CHRM5: variants seen among roughly 807,000 people sequenced by gnomAD.
CHRM5 encodes the protein muscarinic acetylcholine receptor M5.
CHRM5 carries 18 observed loss-of-function variants against 39.0 expected under a neutral mutation model. The ratio of observed to expected loss-of-function variants is 0.46; its 90% CI spans 0.32 to 0.68. The LOEUF (loss-of-function observed/expected upper bound fraction) is 0.68. CHRM5 is among the 30% of genes least tolerant of loss of function. The probability of loss-of-function intolerance (pLI) is 0.04; values close to 1 mark genes in which losing one functional copy is unlikely to be tolerated. For missense variants in CHRM5, 515 were observed against 651.1 expected (o/e 0.79, Z 2.28); for synonymous variants, 241 against 246.3 (o/e 0.98, Z 0.20).
chr15:33,971,735 T>C (rs558469719), intron 1 of CHRM5, among the ~76,000 whole-genome samples: 2 of 152,212 alleles, frequency 1.3e-5, no homozygotes, highest in East Asian at 1.9e-4. Context: ...TCCATTATAA[T>C]GGCACCGTGT....
At chr15:34,019,744 AAT>A (rs1418871218) in intron 1 of CHRM5, among the ~76,000 whole-genome samples, 2 of 152,240 alleles carry the variant, frequency 1.3e-5, no homozygotes, top group African/African-American at 2.4e-5. Flanking sequence ...GCCCAGGAGC[AAT>A]ATGTTATACC....
chr15:33,975,710 T>C (rs1171402875), intron 1 of CHRM5, among the ~76,000 whole-genome samples: 1 of 152,148 alleles, frequency 6.6e-6, no homozygotes, highest in Admixed American at 6.5e-5. Flanking sequence ...GGCAGGTGAA[T>C]CATGAGGTCA....
At chr15:34,019,854 A>G (rs1273736505) in intron 1 of CHRM5, among the ~76,000 whole-genome samples, 9 of 152,212 alleles carry the variant, frequency 5.9e-5, no homozygotes, top group Non-Finnish European at 8.8e-5. Context: ...CATGTTTCTC[A>G]GACTATATCC....
rs183460364 is a variant in CHRM5, at chr15:34,041,063, T to C, written c.-407-5477T>C. On this transcript the variant is annotated intron_variant, in intron 1 of 2. Coordinates refer to ENST00000383263, the MANE Select transcript of CHRM5 (RefSeq NM_012125.4). ...CACACATTAATCTCAAACTAGACAT[T>C]TGCACAAATCGGAGTTTCTCAATGT... Among the ~76,000 whole-genome samples the C allele has an allele frequency of 2.0e-5, 3 of 152,220 alleles. No homozygotes were observed. The East Asian group carries it at 5.8e-4, about 30-fold the overall frequency.
chr15:33,977,113 G>C (rs1322781804), intron 1 of CHRM5, among the ~76,000 whole-genome samples: 2 of 152,154 alleles, frequency 1.3e-5, no homozygotes, highest in Non-Finnish European at 2.9e-5. Context: ...AGATAGGAAG[G>C]TTGAAAGGCT....
intron 2 of CHRM5, among the ~76,000 whole-genome samples, chr15:34,053,320 ATAT>A (rs372854593): frequency 0.074 from 2,293 of 30,898 alleles, 87 homozygotes; most frequent in African/African-American, 0.15. Context: ...AAAAAAAAAA[ATAT>A]ATATATATAT....
At chr15:33,991,667 G>C (rs1295159696) in intron 1 of CHRM5, 3 of 152,112 alleles carry the variant, frequency 2.0e-5, no homozygotes, top group East Asian at 1.9e-4. Flanking sequence ...TTTATCAGTA[G>C]AGCAAAAGAG....
chr15:34,016,163 C>A (rs1897900593), intron 1 of CHRM5, among the ~76,000 whole-genome samples: 1 of 152,136 alleles, frequency 6.6e-6, no homozygotes, highest in Non-Finnish European at 1.5e-5. Context: ...GTAATTCCAG[C>A]TACTCGGTTA....
intron 1 of CHRM5, among the ~76,000 whole-genome samples, chr15:34,021,693 A>G (rs1284045591): frequency 6.6e-6 from 1 of 152,058 alleles, no homozygotes; most frequent in East Asian, 1.9e-4. Context: ...CGTCTCTACT[A>G]AAAATACAAA....
At position 34,067,214 on chromosome 15, in the gene CHRM5, A is replaced by C. The variant is rs1383663636; in HGVS notation, c.*2898A>C. On this transcript the variant is annotated 3_prime_UTR_variant, in exon 3 of 3. Coordinates refer to ENST00000383263, the MANE Select transcript of CHRM5 (RefSeq NM_012125.4). ...TTGTCAGGGAATCTGTTTTCCATTC[A>C]ATTTTTGGTTGAACAAAGCATTTTG... The C allele has an allele frequency of 6.6e-6, 1 of 152,124 alleles. No individual in the cohort carries two copies. The highest frequency in any genetic ancestry group is 1.5e-5 in the Non-Finnish European group (1 of 68,028). The allele number at this position is 152,124 out of a possible 1,614,324, so 9.4% of individuals were successfully genotyped here. A position where few individuals can be genotyped will look rare whatever the true frequency, so the allele number is the denominator to read the frequency against.
intron 1 of CHRM5, among the ~76,000 whole-genome samples, chr15:34,003,740 G>A (rs1023656805): frequency 1.3e-5 from 2 of 152,194 alleles, no homozygotes; most frequent in African/African-American, 4.8e-5. Flanking sequence ...GTGAAATGGA[G>A]TGTGAATTTA....
At chr15:33,993,223 G>A (rs1284022432) in intron 1 of CHRM5, among the ~76,000 whole-genome samples, 2 of 152,178 alleles carry the variant, frequency 1.3e-5, no homozygotes, top group African/African-American at 4.8e-5. Context: ...TAAGAGTGGG[G>A]TGCCATTTTC....
At chr15:34,038,727 C>T in intron 1 of CHRM5, 1 of 1,131,598 alleles carries the variant, frequency 8.8e-7, no homozygotes, top group Non-Finnish European at 1.1e-6. Flanking sequence ...CGGCCTCGGC[C>T]CCACTTGCCC....
Position 34,033,874 on chromosome 15 carries a change from G to A in CHRM5, c.-407-12666G>A, listed in dbSNP as rs572119445. ...GCAATTTCGGCTCACTGCAACCTCCGCCTCCCAAGTTTAAGCGATTCTCCC... is the reference window on the plus strand; with the variant it reads ...GCAATTTCGGCTCACTGCAACCTCCACCTCCCAAGTTTAAGCGATTCTCCC... On this transcript the variant is annotated intron_variant, in intron 1 of 2. Transcript: ENST00000383263. Among the ~76,000 whole-genome samples the A allele has an allele frequency of 1.1e-3, 174 of 152,110 alleles. 8 individuals carry two copies. The South Asian group carries it at 0.03, about 27-fold the overall frequency.
rs114061241 is a variant in CHRM5 at position 33,974,635 on chromosome 15, C to T, written c.-408+5485C>T. Among the ~76,000 whole-genome samples, 1,274 of 152,238 alleles carry T rather than the reference C, an allele frequency of 8.4e-3. 14 individuals are homozygous for T. The highest frequency in any genetic ancestry group is 0.027 in the South Asian group (128 of 4,822). The stretch of plus-strand genomic sequence containing the variant: ...TACATGAATAATGCATGTGTACGTC[C>T]TCACAGAAATCTGTGATTTGATGTT... On this transcript the variant is annotated intron_variant, in intron 1 of 2. Coordinates refer to ENST00000383263, the MANE Select transcript of CHRM5 (RefSeq NM_012125.4).
intron 1 of CHRM5, among the ~76,000 whole-genome samples, chr15:33,983,396 G>A (rs1002381533): frequency 6.6e-6 from 1 of 151,612 alleles, no homozygotes; most frequent in Non-Finnish European, 1.5e-5. Flanking sequence ...TAACATAAAC[G>A]CTTCCATTCT....
chr15:34,015,164 AT>A (rs1466003120), intron 1 of CHRM5, among the ~76,000 whole-genome samples: 1 of 152,212 alleles, frequency 6.6e-6, no homozygotes, highest in Non-Finnish European at 1.5e-5. Flanking sequence ...AAGGAAAAAG[AT>A]AACAAAGGAG....
At chr15:33,987,335 T>C (rs1434512845) in intron 1 of CHRM5, among the ~76,000 whole-genome samples, 1 of 152,230 alleles carries the variant, frequency 6.6e-6, no homozygotes, top group Non-Finnish European at 1.5e-5. Flanking sequence ...TCATTTATTA[T>C]GCTGGCTTGC....
chr15:33,999,718 GGATT>G (rs1423100064), intron 1 of CHRM5, among the ~76,000 whole-genome samples: 1 of 152,090 alleles, frequency 6.6e-6, no homozygotes, highest in African/African-American at 2.4e-5. Flanking sequence ...CTGCTTACCT[GGATT>G]ATTATTAGTG....
Sources: gnomAD v4.1 joint callset for allele counts (sites outside exome capture counted in the v4.1 genomes callset) on GRCh38, gnomAD v4.1.1 for gene constraint, MANE v1.5 for transcripts, NCBI Gene and HGNC (gene_info 2026-07-23, HGNC 2026-07-21) for gene names.